The following VPS13B variants were observed in gnomAD, a reference collection of about 807,000 sequenced individuals.
The protein encoded by VPS13B is vacuolar protein sorting 13 homolog B, also known as intermembrane lipid transfer protein VPS13B.
In VPS13B, 285 loss-of-function variants were observed where a neutral mutation model predicts 426.4. That is an observed-to-expected ratio of 0.67 (90% confidence interval 0.61 to 0.74). The LOEUF (loss-of-function observed/expected upper bound fraction) is 0.74, where lower values mean the gene tolerates loss of function less well. VPS13B is among the 30% of genes least tolerant of loss of function. The pLI, the probability that VPS13B is intolerant of heterozygous loss-of-function variation, is 0.00. For synonymous variants in VPS13B, 1,676 were observed against 1,676.4 expected, an observed-to-expected ratio of 1.00 and a Z score of 0.01; for missense variants, 4,537 against 4,782.6, an observed-to-expected ratio of 0.95 and a Z score of 1.51.
At chr8:99,430,890 G>T (rs1817069312) in intron 21 of VPS13B, among the ~76,000 whole-genome samples, 1 of 152,022 alleles carries the variant, frequency 6.6e-6, no homozygotes, top group Non-Finnish European at 1.5e-5. Context: ...GGCTACTTTT[G>T]TAGTTTTAGT....
chr8:99,872,277 C>T (rs1006964048), intron 61 of VPS13B, among the ~76,000 whole-genome samples: 7 of 152,148 alleles, frequency 4.6e-5, no homozygotes, highest in African/African-American at 1.4e-4. Context: ...AACCTGGAGA[C>T]TTCAAGGGTC....
rs550266319 is a variant in VPS13B at position 99,814,734 on chromosome 8, C to T, written c.8098-2806C>T. Among the ~76,000 whole-genome samples the T allele has an allele frequency of 5.3e-5, 8 of 152,150 alleles. No individual in the cohort carries two copies. In the South Asian group the frequency reaches 1.7e-3, roughly 32 times the overall value. On this transcript the variant is annotated intron_variant, in intron 44 of 61. Transcript: ENST00000357162. Reference sequence around the variant, plus strand: ...TCTACCTTCCCTGAGTACTTTGCTGCCTTTTGATACCTAACCAAATCAAGT... The same window carrying T: ...TCTACCTTCCCTGAGTACTTTGCTGTCTTTTGATACCTAACCAAATCAAGT...
intron 19 of VPS13B, among the ~76,000 whole-genome samples, chr8:99,301,377 TC>T (rs1455582617): frequency 6.6e-6 from 1 of 150,946 alleles, no homozygotes; most frequent in Non-Finnish European, 1.5e-5. Context: ...CACCGCAACC[TC>T]CACCTTCCAG....
chr8:99,243,755 T>G (rs530691720), intron 17 of VPS13B, among the ~76,000 whole-genome samples: 1 of 152,356 alleles, frequency 6.6e-6, no homozygotes, highest in African/African-American at 2.4e-5. Flanking sequence ...CAAACGCTGC[T>G]GCCGCCACTG....
At chr8:99,561,545 G>A (rs1044110978) in intron 31 of VPS13B, among the ~76,000 whole-genome samples, 14 of 152,182 alleles carry the variant, frequency 9.2e-5, no homozygotes, top group African/African-American at 2.6e-4. Flanking sequence ...CAGCCATTCC[G>A]GTTTTCACTT....
At chr8:99,862,459 G>A (rs1210215651) in intron 58 of VPS13B, among the ~76,000 whole-genome samples, 1 of 152,228 alleles carries the variant, frequency 6.6e-6, no homozygotes, top group Non-Finnish European at 1.5e-5. Flanking sequence ...AGAGCAGCCA[G>A]ATGGTATAGT....
intron 33 of VPS13B, among the ~76,000 whole-genome samples, chr8:99,611,136 G>T (rs1354585250): frequency 6.6e-6 from 1 of 152,144 alleles, no homozygotes; most frequent in Non-Finnish European, 1.5e-5. Context: ...TTAAGAATGA[G>T]ATGTGCCTTT....
In VPS13B at chr8:99,233,829, C is replaced by A. The variant is rs552212796; in HGVS notation, c.2516-40369C>A. ...GCCACGATTTTCAGAGGAATCTCTT[C>A]GGCTAGTTTGGTCTCATCTGCCTCT... is the stretch of plus-strand genomic sequence containing the variant. On this transcript the variant is annotated intron_variant, in intron 17 of 61. Transcript: ENST00000357162. The A allele has an allele frequency of 9.0e-6, 7 of 778,790 alleles. No individual in the cohort carries two copies. In the East Asian group the frequency reaches 1.7e-4, roughly 19 times the overall value. The allele number at this position is 778,790 out of a possible 1,614,324, so 48.2% of individuals were successfully genotyped here. A position where few individuals can be genotyped will look rare whatever the true frequency, so the allele number is the denominator to read the frequency against.
rs773474909 is a variant in VPS13B, at chr8:99,859,326, T to C, written c.10890T>C (p.Asp3630=). The change falls in exon 57 of 62, where the codon GAT becomes GAC. Residue 3630 remains aspartate, a synonymous_variant. Transcript: ENST00000357162. ...CAGGCTGGGTAGTTGGGTCTCTGGATATTCTTGGCAGCCCTGCAAGCCTGG... is the reference window on the plus strand; with the variant it reads ...CAGGCTGGGTAGTTGGGTCTCTGGACATTCTTGGCAGCCCTGCAAGCCTGG... ...FRAGWVVGSL[D]ILGSPASLVR... 24 of 1,613,698 alleles carry C rather than the reference T, an allele frequency of 1.5e-5. No individual in the cohort carries two copies. The East Asian group carries it at 4.7e-4, about 31-fold the overall frequency.
chr8:99,424,372 A>G (rs1816564671), intron 21 of VPS13B: 1 of 151,834 alleles, frequency 6.6e-6, no homozygotes, highest in South Asian at 2.1e-4. Context: ...CCAATTTGCC[A>G]GCCAGTCAAA....
intron 13 of VPS13B, among the ~76,000 whole-genome samples, chr8:99,144,488 CAAA>C (rs34556724): frequency 4.3e-5 from 4 of 91,986 alleles, no homozygotes; most frequent in Non-Finnish European, 6.8e-5. Flanking sequence ...GACCCTGTTT[CAAA>C]AAAAAAAAAA....
chr8:99,538,883 T>C (rs889116308), intron 30 of VPS13B, among the ~76,000 whole-genome samples: 1 of 152,242 alleles, frequency 6.6e-6, no homozygotes, highest in African/African-American at 2.4e-5. Flanking sequence ...GACTTTATCA[T>C]TATACTTAAA....
chr8:99,831,082 T>A (rs1165300124), intron 51 of VPS13B, among the ~76,000 whole-genome samples: 1 of 146,044 alleles, frequency 6.8e-6, no homozygotes, highest in African/African-American at 2.5e-5. Context: ...TTTTCTTTTT[T>A]TTTTTTTTGA....
chr8:99,296,525 C>T (rs2133059718), intron 19 of VPS13B, among the ~76,000 whole-genome samples: 1 of 152,138 alleles, frequency 6.6e-6, no homozygotes. Context: ...ATAGTTAAAT[C>T]TTTCTTTACT....
chr8:99,261,662 G>A (rs1818044186), intron 17 of VPS13B, among the ~76,000 whole-genome samples: 1 of 152,092 alleles, frequency 6.6e-6, no homozygotes, highest in Non-Finnish European at 1.5e-5. Context: ...AGTGACTGTA[G>A]CCATTTTGCA....
intron 17 of VPS13B, among the ~76,000 whole-genome samples, chr8:99,211,958 T>G (rs1296338199): frequency 6.6e-6 from 1 of 150,944 alleles, no homozygotes; most frequent in Non-Finnish European, 1.5e-5. Context: ...AGTGGTGTGA[T>G]CTCGGCTCAC....
chr8:99,720,972 A>G lies in VPS13B; in HGVS notation c.6975A>G (p.Val2325=), dbSNP rs1302229750. 1.2e-6 allele frequency: 2 copies of G among 1,614,056 alleles called. No individual in the cohort carries two copies. Among genetic ancestry groups the G allele is most frequent in the Non-Finnish European group, 8.5e-7 (1 of 1,179,962 alleles). The part of the protein sequence containing the change: ...RYPEPRVLTL[V]RITPVPFNTT... Reference sequence around the variant, plus strand: ...CAGAACCTAGAGTACTCACCCTTGTACGAATAACTCCTGTACCTTTTAACA... The same window carrying G: ...CAGAACCTAGAGTACTCACCCTTGTGCGAATAACTCCTGTACCTTTTAACA... Residue 2325 remains valine (V), a synonymous_variant, in exon 39 of 62, where the codon GTA becomes GTG. Transcript: ENST00000357162.
At chr8:99,394,771 T>C (rs1048147931) in intron 21 of VPS13B, among the ~76,000 whole-genome samples, 17 of 152,220 alleles carry the variant, frequency 1.1e-4, no homozygotes, top group African/African-American at 3.6e-4. Context: ...CAAGTTTATA[T>C]ATTACTTCTC....
At chr8:99,825,537 G>C (rs546701078) in intron 51 of VPS13B, among the ~76,000 whole-genome samples, 2 of 152,290 alleles carry the variant, frequency 1.3e-5, no homozygotes, top group East Asian at 3.9e-4. Flanking sequence ...TCATTCTGAT[G>C]ATAGTTTCTT....
Sources: gnomAD v4.1 joint callset for allele counts (sites outside exome capture counted in the v4.1 genomes callset) on GRCh38, gnomAD v4.1.1 for gene constraint, MANE v1.5 for transcripts, NCBI Gene and HGNC (gene_info 2026-07-23, HGNC 2026-07-21) for gene names.